The following SLC25A26 variants were observed in gnomAD, a reference collection of about 807,000 sequenced individuals.
SLC25A26 encodes mitochondrial S-adenosylmethionine carrier protein.
Under a neutral mutation model 37.8 loss-of-function variants are expected in SLC25A26, and 36 were observed. The observed-to-expected ratio is 0.95, with a 90% CI of 0.73 to 1.26. SLC25A26 has a LOEUF of 1.26. Among genes scored for constraint, SLC25A26 ranks in the 50% most tolerant of loss-of-function variants. The probability of loss-of-function intolerance (pLI) is 0.00; values close to 1 mark genes in which losing one functional copy is unlikely to be tolerated. For synonymous variants in SLC25A26, 129 were observed against 122.5 expected, an observed-to-expected ratio of 1.05 and a Z score of -0.35; for missense variants, 390 against 331.1, an observed-to-expected ratio of 1.18 and a Z score of -1.38.
intron 5 of SLC25A26, among the ~76,000 whole-genome samples, chr3:66,267,769 T>TC (rs2073810796): frequency 6.6e-6 from 1 of 152,206 alleles, no homozygotes; most frequent in Non-Finnish European, 1.5e-5. Context: ...AAGCCCCCAG[T>TC]CTTTAGGTGC....
At chr3:66,319,588 C>T (rs1376329209) in intron 5 of SLC25A26, among the ~76,000 whole-genome samples, 1 of 151,912 alleles carries the variant, frequency 6.6e-6, no homozygotes, top group Non-Finnish European at 1.5e-5. Context: ...CAAAGTTGAT[C>T]TGATTAAATT....
At chr3:66,367,452 C>T (rs901457546) in intron 7 of SLC25A26, among the ~76,000 whole-genome samples, 1 of 152,130 alleles carries the variant, frequency 6.6e-6, no homozygotes, top group African/African-American at 2.4e-5. Flanking sequence ...GTACTTCAGC[C>T]ACAGAATAAG....
chr3:66,275,052 C>A (rs1345070142), intron 5 of SLC25A26, among the ~76,000 whole-genome samples: 1 of 151,920 alleles, frequency 6.6e-6, no homozygotes, highest in Admixed American at 6.6e-5. Flanking sequence ...ACATATACAC[C>A]ATGGAATACT....
chr3:66,284,610 G>A (rs914338670), intron 5 of SLC25A26, among the ~76,000 whole-genome samples: 1 of 152,152 alleles, frequency 6.6e-6, no homozygotes, highest in Non-Finnish European at 1.5e-5. Flanking sequence ...ATATGTAAGT[G>A]CATGGAATAA....
intron 1 of SLC25A26, among the ~76,000 whole-genome samples, chr3:66,223,034 G>C (rs532179064): frequency 1.3e-5 from 2 of 152,264 alleles, no homozygotes; most frequent in South Asian, 4.1e-4. Flanking sequence ...CATCTATTCT[G>C]CCCACTGGGT....
intron 5 of SLC25A26, among the ~76,000 whole-genome samples, chr3:66,296,313 T>G (rs1250540787): frequency 6.6e-6 from 1 of 152,198 alleles, no homozygotes. Flanking sequence ...GATCTGTAAA[T>G]AACAGATGCT....
chr3:66,359,863 T>C (rs1171444245), intron 6 of SLC25A26, among the ~76,000 whole-genome samples: 1 of 152,240 alleles, frequency 6.6e-6, no homozygotes. Flanking sequence ...ATAAGTCTTT[T>C]CTTTTTTAGC....
At chr3:66,373,209 G>A (rs952820389) in intron 9 of SLC25A26, among the ~76,000 whole-genome samples, 5 of 152,200 alleles carry the variant, frequency 3.3e-5, no homozygotes, top group South Asian at 2.1e-4. Flanking sequence ...CCACTGCCGC[G>A]AGCATCCCTT....
At chr3:66,276,957 GA>G (rs56071860) in intron 5 of SLC25A26, among the ~76,000 whole-genome samples, 302 of 124,448 alleles carry the variant, frequency 2.4e-3, no homozygotes, top group South Asian at 9.8e-3. Context: ...GGCACTGTTT[GA>G]AAAAAAAAAA....
At chr3:66,272,415 G>A (rs1033605483) in intron 5 of SLC25A26, among the ~76,000 whole-genome samples, 31 of 152,052 alleles carry the variant, frequency 2.0e-4, no homozygotes, top group Admixed American at 7.2e-4. Context: ...CCTTTAGATA[G>A]GCGTTAGTGC....
intron 5 of SLC25A26, among the ~76,000 whole-genome samples, chr3:66,337,189 TA>T (rs2076109310): frequency 6.6e-6 from 1 of 152,258 alleles, no homozygotes; most frequent in South Asian, 2.1e-4. Context: ...ATTGATTTGT[TA>T]AACTTGATAC....
At chr3:66,273,856 A>G (rs2074039600) in intron 5 of SLC25A26, among the ~76,000 whole-genome samples, 1 of 152,158 alleles carries the variant, frequency 6.6e-6, no homozygotes, top group Admixed American at 6.5e-5. Flanking sequence ...TGCCATCCCC[A>G]TCAAGCTACC....
chr3:66,371,093 C>CT, intron 9 of SLC25A26: 1 of 1,392,608 alleles, frequency 7.2e-7, no homozygotes, highest in Non-Finnish European at 9.3e-7. Context: ...GCTTCATGTC[C>CT]TAAAAGCTCT....
At chr3:66,338,494 A>G (rs1167108554) in intron 5 of SLC25A26, among the ~76,000 whole-genome samples, 7 of 151,956 alleles carry the variant, frequency 4.6e-5, no homozygotes, top group African/African-American at 9.7e-5. Flanking sequence ...ACAGCACCTC[A>G]TTGCGGCTTC....
chr3:66,321,211 G>A (rs2075684782), intron 5 of SLC25A26, among the ~76,000 whole-genome samples: 1 of 152,210 alleles, frequency 6.6e-6, no homozygotes, highest in East Asian at 1.9e-4. Context: ...ACCTAAATCG[G>A]AAGTCTGGTG....
At chr3:66,206,689 G>A (rs2071182103) in intron 1 of SLC25A26, among the ~76,000 whole-genome samples, 1 of 150,942 alleles carries the variant, frequency 6.6e-6, no homozygotes, top group South Asian at 2.1e-4. Context: ...CGCTCAGCAA[G>A]CAGTACTTAC....
At chr3:66,212,724 T>G (rs1378267989) in intron 1 of SLC25A26, among the ~76,000 whole-genome samples, 1 of 152,192 alleles carries the variant, frequency 6.6e-6, no homozygotes, top group African/African-American at 2.4e-5. Flanking sequence ...CTCACCTAAA[T>G]GGAATCATAT....
At chr3:66,225,584 G>C (rs996474051) in intron 1 of SLC25A26, among the ~76,000 whole-genome samples, 1 of 152,190 alleles carries the variant, frequency 6.6e-6, no homozygotes, top group East Asian at 1.9e-4. Flanking sequence ...CCACTGTCTT[G>C]TCAGTTAACA....
intron 5 of SLC25A26, among the ~76,000 whole-genome samples, chr3:66,340,901 T>C (rs780433928): frequency 2.0e-5 from 3 of 152,044 alleles, no homozygotes; most frequent in Non-Finnish European, 2.9e-5. Context: ...AAAAAAGTCG[T>C]TTTTCATTTA....
Sources: gnomAD v4.1 joint callset for allele counts (sites outside exome capture counted in the v4.1 genomes callset) on GRCh38, gnomAD v4.1.1 for gene constraint, MANE v1.5 for transcripts, NCBI Gene and HGNC (gene_info 2026-07-23, HGNC 2026-07-21) for gene names.